Variants in RORA observed in about 807,000 individuals in gnomAD.
RORA encodes RAR related orphan receptor A, also known as nuclear receptor ROR-alpha.
RORA carries 7 observed loss-of-function variants against 69.5 expected under a neutral mutation model. That is an observed-to-expected ratio of 0.10 (90% CI 0.06 to 0.19). The LOEUF is 0.19. Among genes scored for constraint, RORA ranks in the 10% least tolerant of loss-of-function variants. RORA has a pLI of 1.00. For synonymous variants in RORA, 261 were observed against 240.8 expected (o/e 1.08, Z -0.78); for missense variants, 457 against 663.0 (o/e 0.69, Z 3.41).
intron 1 of RORA, among the ~76,000 whole-genome samples, chr15:60,947,332 T>C (rs530095998): frequency 1.3e-5 from 2 of 152,314 alleles, no homozygotes; most frequent in African/African-American, 2.4e-5. Flanking sequence ...GGAGACTCCA[T>C]TTTGTTCTGT....
chr15:61,157,823 A>C (rs1397206934), intron 1 of RORA, among the ~76,000 whole-genome samples: 1 of 152,210 alleles, frequency 6.6e-6, no homozygotes, highest in Non-Finnish European at 1.5e-5. Context: ...AAATGTGTTC[A>C]TGGTGGAAGG....
chr15:60,712,172 G>A (rs981551759), intron 1 of RORA, among the ~76,000 whole-genome samples: 2 of 152,160 alleles, frequency 1.3e-5, no homozygotes, highest in African/African-American at 4.8e-5. Context: ...TGGGGATGAT[G>A]AAGACTTATT....
At chr15:60,810,808 T>C (rs977377088) in intron 1 of RORA, among the ~76,000 whole-genome samples, 2 of 152,120 alleles carry the variant, frequency 1.3e-5, no homozygotes, top group African/African-American at 2.4e-5. Context: ...CTTAAATGAC[T>C]GGTAATTCTT....
At chr15:60,757,775 T>A (rs1216730891) in intron 1 of RORA, among the ~76,000 whole-genome samples, 1 of 152,022 alleles carries the variant, frequency 6.6e-6, no homozygotes, top group East Asian at 1.9e-4. Context: ...CCCTTGCTGG[T>A]TTCTTCCCTC....
intron 1 of RORA, among the ~76,000 whole-genome samples, chr15:61,021,188 C>T (rs1895503979): frequency 6.6e-6 from 1 of 152,172 alleles, no homozygotes; most frequent in African/African-American, 2.4e-5. Context: ...AACGCCCCCT[C>T]TCTAGTCTAT....
chr15:61,209,529 G>C (rs1213423828), intron 1 of RORA, among the ~76,000 whole-genome samples: 1 of 152,204 alleles, frequency 6.6e-6, no homozygotes, highest in African/African-American at 2.4e-5. Flanking sequence ...GTTATGAAAT[G>C]AATGTTTGTG....
At chr15:60,833,048 G>A (rs889219752) in intron 1 of RORA, among the ~76,000 whole-genome samples, 14 of 151,776 alleles carry the variant, frequency 9.2e-5, no homozygotes, top group Non-Finnish European at 1.5e-5. Flanking sequence ...GGGACTACAG[G>A]CGCCCACCAC....
At position 60,755,199 on chromosome 15, in the gene RORA, T is replaced by C. The variant is rs573525350; in HGVS notation, c.167-76513A>G. Among the ~76,000 whole-genome samples the C allele has an allele frequency of 6.2e-5, 9 of 146,276 alleles. No homozygotes were observed. The South Asian group carries it at 2.0e-3, about 32-fold the overall frequency. ...CCTTCCTGTGTCCATGTGTTCTCAT[T>C]GTTCAATTCCCACCTATGAATAAGA... On this transcript the variant is annotated intron_variant, in intron 1 of 10. Transcript: ENST00000335670.
intron 1 of RORA, among the ~76,000 whole-genome samples, chr15:61,018,540 A>G (rs1895385128): frequency 1.3e-5 from 2 of 152,204 alleles, no homozygotes; most frequent in Non-Finnish European, 1.5e-5. Context: ...CTCCACATGC[A>G]CAGGCATATA....
At chr15:61,141,467 C>T (rs1472263348) in intron 1 of RORA, among the ~76,000 whole-genome samples, 1 of 151,962 alleles carries the variant, frequency 6.6e-6, no homozygotes, top group African/African-American at 2.4e-5. Context: ...AGAAAAGTGG[C>T]AAAATGATCC....
chr15:60,572,223 T>C (rs529010016), intron 2 of RORA, among the ~76,000 whole-genome samples: 2 of 152,326 alleles, frequency 1.3e-5, no homozygotes, highest in Admixed American at 1.3e-4. Flanking sequence ...TGTGGATTCA[T>C]CTGTTGGAGA....
Position 60,972,477 on chromosome 15 carries a change from C to G in RORA, c.166+256576G>C, listed in dbSNP as rs932924618. ...AAGGTGATGACACTGAAGCTTGGAA[C>G]TCACTGGTATGCATAAATTCTCCTG... On this transcript the variant is annotated intron_variant, in intron 1 of 10. Coordinates refer to ENST00000335670, the MANE Select transcript of RORA (RefSeq NM_134261.3). Among the ~76,000 whole-genome samples, 4 of 152,378 alleles carry G rather than the reference C, an allele frequency of 2.6e-5. No homozygotes were observed. In the East Asian group the frequency reaches 7.7e-4, roughly 29 times the overall value.
chr15:60,971,374 T>C (rs1235132303), intron 1 of RORA, among the ~76,000 whole-genome samples: 1 of 152,172 alleles, frequency 6.6e-6, no homozygotes, highest in Admixed American at 6.5e-5. Flanking sequence ...GTGTCTCCCA[T>C]GGCCTAGCAC....
At chr15:61,035,258 G>GGCT (rs1896396973) in intron 1 of RORA, among the ~76,000 whole-genome samples, 1 of 152,020 alleles carries the variant, frequency 6.6e-6, no homozygotes. Context: ...CAGAGCGAGT[G>GGCT]GCTATACAAC....
chr15:60,959,494 A>T (rs2140341495), intron 1 of RORA, among the ~76,000 whole-genome samples: 1 of 152,338 alleles, frequency 6.6e-6, no homozygotes, highest in South Asian at 2.1e-4. Flanking sequence ...AAATGTTGAA[A>T]GATGTTTCCA....
intron 2 of RORA, among the ~76,000 whole-genome samples, chr15:60,561,271 C>A (rs951562706): frequency 1.3e-5 from 2 of 151,476 alleles, no homozygotes; most frequent in Non-Finnish European, 2.9e-5. Flanking sequence ...TTAGTAGAGA[C>A]GGGGTTTCAC....
At chr15:60,688,419 A>C (rs2070777550) in intron 1 of RORA, among the ~76,000 whole-genome samples, 1 of 152,214 alleles carries the variant, frequency 6.6e-6, no homozygotes, top group African/African-American at 2.4e-5. Context: ...ATAAGAAAGA[A>C]AAGTTAATAT....
intron 1 of RORA, among the ~76,000 whole-genome samples, chr15:61,162,893 A>C (rs1401524097): frequency 1.3e-5 from 2 of 152,230 alleles, no homozygotes; most frequent in Non-Finnish European, 2.9e-5. Context: ...ATTTGGCAGA[A>C]CACAGAATTG....
chr15:60,546,215 A>G (rs949783736), intron 2 of RORA: 5 of 152,250 alleles, frequency 3.3e-5, no homozygotes, highest in African/African-American at 1.2e-4. Flanking sequence ...AAAAACTTTG[A>G]GGGCCAACTA....
Sources: gnomAD v4.1 joint callset for allele counts (sites outside exome capture counted in the v4.1 genomes callset) on GRCh38, gnomAD v4.1.1 for gene constraint, MANE v1.5 for transcripts, NCBI Gene and HGNC (gene_info 2026-07-23, HGNC 2026-07-21) for gene names.